The following ST3GAL1 variants were observed in gnomAD, a reference collection of about 807,000 sequenced individuals.
ST3GAL1 encodes CMP-N-acetylneuraminate-beta-galactosamide-alpha-2,3-sialyltransferase 1.
ST3GAL1 carries 16 observed loss-of-function variants against 34.1 expected under a neutral mutation model. The observed-to-expected ratio is 0.47, with a 90% confidence interval of 0.32 to 0.71. ST3GAL1 has a LOEUF of 0.71. Ranked by LOEUF, ST3GAL1 falls within the 30% of genes least tolerant of loss-of-function variation. The pLI, the probability that ST3GAL1 is intolerant of heterozygous loss-of-function variation, is 0.04. For missense variants in ST3GAL1, 353 were observed against 447.4 expected (o/e 0.79, Z 1.90); for synonymous variants, 191 against 184.7 (o/e 1.03, Z -0.28).
Position 133,459,642 on chromosome 8 carries a change from C to T in ST3GAL1, c.*122G>A, listed in dbSNP as rs1213710946. ...ACGGCTGGGTGCAAGAGGCTGTGAG[C>T]GGTGCCCAGGCACACACCTGAGGCT... On this transcript the variant is annotated 3_prime_UTR_variant, in exon 10 of 10. Transcript: ENST00000522652. This position sits in a 1 kb window ranked among gnomAD's most constrained non-coding sequence, Gnocchi z 4.7. 56 of 1,276,258 alleles carry T rather than the reference C, an allele frequency of 4.4e-5. No individual in the cohort carries two copies. The highest frequency in any genetic ancestry group is 1.6e-4 in the South Asian group (11 of 66,734). 79.1% of individuals were successfully genotyped at this position (1,276,258 alleles called of 1,614,324 possible). A position where few individuals can be genotyped will look rare whatever the true frequency, so the allele number is the denominator to read the frequency against.
chr8:133,512,286 T>A (rs1473129178), intron 2 of ST3GAL1, among the ~76,000 whole-genome samples: 5 of 152,216 alleles, frequency 3.3e-5, no homozygotes, highest in South Asian at 2.1e-4. Flanking sequence ...CTGAAGAACT[T>A]GGAGTCCGAT....
intron 3 of ST3GAL1, among the ~76,000 whole-genome samples, chr8:133,497,771 C>A (rs1358526673): frequency 6.6e-6 from 1 of 152,054 alleles, no homozygotes; most frequent in African/African-American, 2.4e-5. Context: ...CCATGCCCAG[C>A]GGATTTTTCT....
At position 133,517,720 on chromosome 8, in the gene ST3GAL1, G is replaced by A. The variant is rs537618405; in HGVS notation, c.-428-18531C>T. ...GACTTCTGGAAAGTCCTTAACTGCTGAGCCTCAGTTTCCCAACCTGTCAAA... is the reference window on the plus strand; with the variant it reads ...GACTTCTGGAAAGTCCTTAACTGCTAAGCCTCAGTTTCCCAACCTGTCAAA... On this transcript the variant is annotated intron_variant, in intron 2 of 9. Transcript: ENST00000522652. Among the ~76,000 whole-genome samples the A allele has an allele frequency of 2.0e-5, 3 of 152,326 alleles. No homozygotes were observed. The Middle Eastern group carries it at 0.01, about 518-fold the overall frequency.
At chr8:133,488,649 GC>G (rs1816688256) in intron 3 of ST3GAL1, among the ~76,000 whole-genome samples, 1 of 152,196 alleles carries the variant, frequency 6.6e-6, no homozygotes, top group Non-Finnish European at 1.5e-5. Flanking sequence ...AGCCTTCAGT[GC>G]CACGAGCAGA....
chr8:133,505,791 C>T (rs1372949679), intron 2 of ST3GAL1, among the ~76,000 whole-genome samples: 1 of 151,892 alleles, frequency 6.6e-6, no homozygotes, highest in Non-Finnish European at 1.5e-5. Context: ...TTAGTGGAGA[C>T]AGGGTTTCAC....
chr8:133,465,647 C>G (rs1258313907), intron 6 of ST3GAL1: 2 of 401,296 alleles, frequency 5.0e-6, no homozygotes, highest in African/African-American at 2.1e-5. Context: ...CTCCCAACAA[C>G]GGGGGACCTC....
intron 3 of ST3GAL1, among the ~76,000 whole-genome samples, chr8:133,492,852 T>C (rs969108757): frequency 1.3e-5 from 2 of 152,318 alleles, no homozygotes; most frequent in South Asian, 2.1e-4. Context: ...GGAGCGTCCA[T>C]GCGGCAGGGG....
At chr8:133,505,312 G>A (rs897886294) in intron 2 of ST3GAL1, among the ~76,000 whole-genome samples, 1 of 152,194 alleles carries the variant, frequency 6.6e-6, no homozygotes, top group African/African-American at 2.4e-5. Flanking sequence ...CCCTCCAAGA[G>A]AGAAGTTGAG....
At chr8:133,555,671 C>T (rs1818992574) in intron 1 of ST3GAL1, among the ~76,000 whole-genome samples, 1 of 152,146 alleles carries the variant, frequency 6.6e-6, no homozygotes, top group Non-Finnish European at 1.5e-5. Context: ...CTGATTGGGA[C>T]CTCCCTGTTT....
chr8:133,547,005 G>GA (rs773473340), intron 1 of ST3GAL1, among the ~76,000 whole-genome samples: 72 of 62,798 alleles, frequency 1.1e-3, no homozygotes, highest in Non-Finnish European at 1.4e-3. Flanking sequence ...TCCATCTCAG[G>GA]AAAAAAAAAA....
rs138418372 is a variant in ST3GAL1, at chr8:133,548,175, G to A, written c.-581-2249C>T. Among the ~76,000 whole-genome samples, 833 of 152,240 alleles carry A rather than the reference G, an allele frequency of 5.5e-3. 6 individuals are homozygous for A. Among genetic ancestry groups the A allele is most frequent in the African/African-American group, 0.019 (782 of 41,532 alleles). On this transcript the variant is annotated intron_variant, in intron 1 of 9. Coordinates refer to ENST00000522652, the MANE Select transcript of ST3GAL1 (RefSeq NM_173344.3). ...TTTTCAGAAATGAGAATTAAGGCAC[G>A]ATGCTCACTGCCACAGCCTCCTAGC...
Position 133,556,354 on chromosome 8 carries a change from C to A in ST3GAL1, c.-581-10428G>T, listed in dbSNP as rs1395767297. Among the ~76,000 whole-genome samples the A allele has an allele frequency of 1.3e-5, 2 of 152,210 alleles. No homozygotes were observed. The highest frequency in any genetic ancestry group is 2.1e-4 in the South Asian group (1 of 4,834). ...TGGTGACTCCAGAGCCTGTCTTCTC[C>A]CCCTGGCCTTGGCCTCCTGGACAGG... On this transcript the variant is annotated intron_variant, in intron 1 of 9. Transcript: ENST00000522652. This position sits in a 1 kb window ranked among gnomAD's most constrained non-coding sequence, Gnocchi z 8.9.
intron 1 of ST3GAL1, among the ~76,000 whole-genome samples, chr8:133,554,638 C>G (rs1340417767): frequency 2.6e-5 from 4 of 152,118 alleles, no homozygotes; most frequent in Admixed American, 6.5e-5. Context: ...CTGTCTGATT[C>G]AGATTGGAGA....
At chr8:133,529,012 G>A (rs756964024) in intron 2 of ST3GAL1, among the ~76,000 whole-genome samples, 1 of 152,220 alleles carries the variant, frequency 6.6e-6, no homozygotes, top group African/African-American at 2.4e-5. Flanking sequence ...AGACACATGG[G>A]GCTCTGCAAC....
In ST3GAL1 at chr8:133,476,334, C is replaced by A. The variant is rs1402776123; in HGVS notation, c.-107G>T. On this transcript the variant is annotated 5_prime_UTR_variant, in exon 4 of 10. Transcript: ENST00000522652. ...GCAATCCTTAAAGAGCTGATAATGT[C>A]TCTCGATCAAGCTTTAACCAGTGAT... 2 of 252,258 alleles carry A rather than the reference C, an allele frequency of 7.9e-6. No individual in the cohort carries two copies. Among genetic ancestry groups the A allele is most frequent in the Non-Finnish European group, 7.6e-6 (1 of 130,976 alleles). The allele number at this position is 252,258 out of a possible 1,614,324, so 15.6% of individuals were successfully genotyped here. A position where few individuals can be genotyped will look rare whatever the true frequency, so the allele number is the denominator to read the frequency against.
In ST3GAL1 at chr8:133,470,020, T is replaced by G. The variant is rs532612603; in HGVS notation, c.307-3930A>C. On this transcript the variant is annotated intron_variant, in intron 5 of 9. Transcript: ENST00000522652. Reference sequence around the variant, plus strand: ...TTCTCTAGATTATCATAGTAAGTCCTCCCCACACCAGCTGAGATGGAGCAG... The same window carrying G: ...TTCTCTAGATTATCATAGTAAGTCCGCCCCACACCAGCTGAGATGGAGCAG... Among the ~76,000 whole-genome samples, 3 of 152,294 alleles carry G rather than the reference T, an allele frequency of 2.0e-5. No individual in the cohort carries two copies. In the South Asian group the frequency reaches 6.2e-4, roughly 32 times the overall value.
At chr8:133,524,240 A>G (rs1194802574) in intron 2 of ST3GAL1, among the ~76,000 whole-genome samples, 1 of 152,128 alleles carries the variant, frequency 6.6e-6, no homozygotes, top group African/African-American at 2.4e-5. Flanking sequence ...TATTACCCCA[A>G]TTTTTCAGAT....
At chr8:133,510,577 T>C (rs1483923665) in intron 2 of ST3GAL1, among the ~76,000 whole-genome samples, 1 of 152,146 alleles carries the variant, frequency 6.6e-6, no homozygotes, top group Non-Finnish European at 1.5e-5. Flanking sequence ...GGATTGAAAA[T>C]TTCAGTTTAA....
chr8:133,503,306 T>A (rs118029487), intron 2 of ST3GAL1, among the ~76,000 whole-genome samples: 2,078 of 152,344 alleles, frequency 0.014, 22 homozygotes, highest in Middle Eastern at 0.02. Flanking sequence ...CCACTCAGGC[T>A]CTGCCATTTT....
Sources: gnomAD v4.1 joint callset for allele counts (sites outside exome capture counted in the v4.1 genomes callset) on GRCh38, gnomAD v4.1.1 for gene constraint, Gnocchi (gnomAD v3.1) non-coding constraint, MANE v1.5 for transcripts, NCBI Gene and HGNC (gene_info 2026-07-23, HGNC 2026-07-21) for gene names.